Variants in BCOR observed in about 807,000 individuals in gnomAD.
BCOR encodes BCL-6 corepressor.
In BCOR, 10 loss-of-function variants were observed where a neutral mutation model predicts 86.7. That is an observed-to-expected ratio of 0.12 (90% CI 0.07 to 0.20). BCOR has a LOEUF of 0.20. Among genes scored for constraint, BCOR ranks in the 10% least tolerant of loss-of-function variants. The pLI is 1.00. For synonymous variants in BCOR, 611 were observed against 609.0 expected (o/e 1.00, Z -0.05); for missense variants, 1,259 against 1,452.1 (o/e 0.87, Z 2.16).
intron 1 of BCOR, among the ~76,000 whole-genome samples, chrX:40,107,784 G>A (rs372520779): frequency 1.7e-4 from 19 of 113,325 alleles, no homozygotes; most frequent in African/African-American, 6.1e-4. Flanking sequence ...ACAGCCCCCT[G>A]GCTGGGGTGG....
chrX:40,107,258 G>A (rs1471618498), intron 1 of BCOR, among the ~76,000 whole-genome samples: 1 of 111,809 alleles, frequency 8.9e-6, no homozygotes, highest in Non-Finnish European at 1.9e-5. Context: ...ACCTAGCCCT[G>A]GAGGCTGGAT....
In BCOR at chrX:40,057,265, G is replaced by A. The variant is rs754796420; in HGVS notation, c.4485C>T (p.Asn1495=). The change falls in exon 11 of 15, where the codon AAC becomes AAT. Residue 1495 remains asparagine, a synonymous_variant. Transcript: ENST00000378444. The part of the protein sequence containing the change: ...NKICDVNHRD[N]AGYCALHEAC... ...CTTCATGCAGGGCGCAGTAACCTGC[G>A]TTGTCCCGATGATTTACATCACAAA... The A allele has an allele frequency of 9.1e-6, 11 of 1,210,225 alleles. No homozygotes were observed. The highest frequency in any genetic ancestry group is 3.5e-5 in the African/African-American group (2 of 57,352).
At chrX:40,172,044 G>A (rs1442087493) in intron 1 of BCOR, among the ~76,000 whole-genome samples, 2 of 112,830 alleles carry the variant, frequency 1.8e-5, no homozygotes, top group Admixed American at 9.2e-5. Flanking sequence ...CTGGGCGTCT[G>A]CGCTGCCCAG....
intron 1 of BCOR, among the ~76,000 whole-genome samples, chrX:40,133,357 C>G (rs1406926067): frequency 9.0e-6 from 1 of 110,775 alleles, no homozygotes; most frequent in African/African-American, 3.3e-5. Flanking sequence ...AGGCTGGTCT[C>G]GAACTCCTGA....
intron 1 of BCOR, among the ~76,000 whole-genome samples, chrX:40,158,484 G>A (rs1938347848): frequency 8.9e-6 from 1 of 112,675 alleles, no homozygotes; most frequent in South Asian, 3.5e-4. Flanking sequence ...GCTGACCCAG[G>A]TCGGGGACGA....
At chrX:40,126,712 G>T (rs763679868) in intron 1 of BCOR, among the ~76,000 whole-genome samples, 2 of 110,552 alleles carry the variant, frequency 1.8e-5, no homozygotes, top group Non-Finnish European at 3.8e-5. Context: ...AAAATTAGCC[G>T]GGTATGGTGG....
rs368232535 is a variant in BCOR, at chrX:40,053,964, T to C, written c.4898A>G (p.Tyr1633Cys). The change falls in exon 14 of 15, where the codon TAT becomes TGT. Residue 1633 changes from tyrosine (Y) to cysteine (C), a missense_variant. Tyr to Cys is a radical substitution (Grantham distance 194). Coordinates refer to ENST00000378444, the MANE Select transcript of BCOR (RefSeq NM_001123385.2). ...AAATTCAAATTCAAACACATCGCTA[T>C]AGGCATCGTCATCATCATCCTGGTC... The part of the protein sequence containing the change: ...PEDQDDDDDA[Y>C]SDVFEFEFSE... 1 of 1,209,282 alleles carries C rather than the reference T, an allele frequency of 8.3e-7. No homozygotes were observed. The highest frequency in any genetic ancestry group is 1.8e-5 in the African/African-American group (1 of 57,139).
intron 1 of BCOR, among the ~76,000 whole-genome samples, chrX:40,108,457 C>T (rs982707895): frequency 3.5e-5 from 4 of 113,612 alleles, no homozygotes; most frequent in African/African-American, 6.4e-5. Context: ...GAGGGAGCGG[C>T]GGCCAGAGCC....
At chrX:40,087,933 C>T (rs1936430510) in intron 1 of BCOR, among the ~76,000 whole-genome samples, 1 of 112,829 alleles carries the variant, frequency 8.9e-6, no homozygotes. Flanking sequence ...CTAGGATTTA[C>T]ATAGTTTGGA....
At chrX:40,103,770 G>A (rs1937116415) in intron 1 of BCOR, among the ~76,000 whole-genome samples, 1 of 111,014 alleles carries the variant, frequency 9.0e-6, no homozygotes. Context: ...AAGGGGGTGG[G>A]GATAAAGATA....
At chrX:40,098,916 C>A (rs7879904), upstream of BCOR, among the ~76,000 whole-genome samples, 20,605 of 111,846 alleles carry the variant, frequency 0.18, 3,768 homozygotes, top group African/African-American at 0.57. Flanking sequence ...GGGCGGTCGG[C>A]GAGCGGAGAT....
chrX:40,099,111 G>A (rs1377860969), upstream of BCOR, among the ~76,000 whole-genome samples: 2 of 113,155 alleles, frequency 1.8e-5, no homozygotes, highest in African/African-American at 3.2e-5. Context: ...ACGTCGTGCT[G>A]ATCGGTGCTT....
chrX:40,157,793 G>A (rs1446264667), intron 1 of BCOR, among the ~76,000 whole-genome samples: 1 of 112,129 alleles, frequency 8.9e-6, no homozygotes, highest in Non-Finnish European at 1.9e-5. Context: ...TGGACCTCAG[G>A]TTTTGGAGTG....
chrX:40,053,896 C>T lies in BCOR; in HGVS notation c.4966G>A (p.Val1656Met). ...LLPCYNIQVS[V>M]AQGPRNWLLL... ...GACAGCCATGCTCACCCCTGAGCCA[C>T]AGATACTTGGATGTTATAACACGGT... Residue 1656 changes from valine (V) to methionine (M), a missense_variant, in exon 14 of 15, where the codon GTG becomes ATG. Transcript: ENST00000378444. The T allele has an allele frequency of 8.3e-7, 1 of 1,211,444 alleles. No homozygotes were observed. Among genetic ancestry groups the T allele is most frequent in the African/African-American group, 1.7e-5 (1 of 57,798 alleles).
chrX:40,058,507 A>G (rs909040118), intron 10 of BCOR, among the ~76,000 whole-genome samples: 16 of 111,925 alleles, frequency 1.4e-4, no homozygotes, highest in South Asian at 3.7e-4. Flanking sequence ...AACCTAAAAT[A>G]GGCAGCATTT....
chrX:40,084,715 C>A (rs1259767522), intron 1 of BCOR, among the ~76,000 whole-genome samples: 3 of 104,847 alleles, frequency 2.9e-5, no homozygotes, highest in African/African-American at 1.1e-4. Flanking sequence ...CCCCCCCCAC[C>A]ACCACCACCA....
At chrX:40,167,174 T>C (rs749123158) in intron 1 of BCOR, among the ~76,000 whole-genome samples, 88 of 112,767 alleles carry the variant, frequency 7.8e-4, no homozygotes, top group African/African-American at 2.7e-3. Flanking sequence ...CTGACAGTGA[T>C]AAAAACTAAG....
chrX:40,163,547 A>C (rs1369486505), intron 1 of BCOR, among the ~76,000 whole-genome samples: 2 of 108,394 alleles, frequency 1.8e-5, no homozygotes, highest in Non-Finnish European at 3.8e-5. Flanking sequence ...TTAGCTCTCA[A>C]AGGTGCCTGG....
At chrX:40,090,616 CG>C (rs1936565597) in intron 1 of BCOR, among the ~76,000 whole-genome samples, 1 of 111,676 alleles carries the variant, frequency 9.0e-6, no homozygotes, top group Non-Finnish European at 1.9e-5. Context: ...CCGAAGCGAT[CG>C]CCGTCCAGCC....
Sources: gnomAD v4.1 joint callset for allele counts (sites outside exome capture counted in the v4.1 genomes callset) on GRCh38, gnomAD v4.1.1 for gene constraint, MANE v1.5 for transcripts, NCBI Gene and HGNC (gene_info 2026-07-23, HGNC 2026-07-21) for gene names.